Variants in CSMD3 observed in about 807,000 individuals in gnomAD.
The protein encoded by CSMD3 is CUB and Sushi multiple domains 3.
A neutral mutation model predicts 435.2 loss-of-function variants in CSMD3; 177 were observed. The ratio of observed to expected loss-of-function variants is 0.41; its 90% CI spans 0.36 to 0.46. The LOEUF (loss-of-function observed/expected upper bound fraction) is 0.46. CSMD3 is among the 20% of genes least tolerant of loss of function. CSMD3 has a pLI of 0.34. For synonymous variants in CSMD3, 1,656 were observed against 1,520.5 expected (o/e 1.09, Z -2.07); for missense variants, 4,265 against 4,504.6 (o/e 0.95, Z 1.52).
At chr8:113,003,963 C>T (rs546663283) in intron 6 of CSMD3, among the ~76,000 whole-genome samples, 1 of 151,872 alleles carries the variant, frequency 6.6e-6, no homozygotes, top group Admixed American at 6.6e-5. Flanking sequence ...AAACAATTCC[C>T]CCCAAAAAAG....
At chr8:112,957,891 G>A (rs2084086999) in intron 7 of CSMD3, among the ~76,000 whole-genome samples, 2 of 152,142 alleles carry the variant, frequency 1.3e-5, no homozygotes, top group African/African-American at 4.8e-5. Flanking sequence ...GGTTACAAGC[G>A]CGCACCACCG....
rs368706528 is a variant in CSMD3 at position 112,409,032 on chromosome 8, A to G, written c.5396T>C (p.Val1799Ala). 5.0e-6 allele frequency: 8 copies of G among 1,613,358 alleles called. No individual in the cohort carries two copies. The highest frequency in any genetic ancestry group is 2.2e-5 in the South Asian group (2 of 91,072). The change falls in exon 33 of 71, where the codon GTG (valine) becomes GCG (alanine). Residue 1799 changes from valine (V) to alanine (A), a missense_variant and splice_region_variant. By Grantham distance (64) the Val-to-Ala change is moderately conservative (BLOSUM62 0). Transcript: ENST00000297405. The part of the protein sequence containing the change: ...VYSIAVPKEF[V>A]VFGQFVFFQT... ...GAAAAATACAAACTGGCCAAACACCACTGATCAACAGGAACCCGGAGAAGC... is the reference window on the plus strand; with the variant it reads ...GAAAAATACAAACTGGCCAAACACCGCTGATCAACAGGAACCCGGAGAAGC...
At chr8:112,686,668 T>A (rs1362813183) in intron 14 of CSMD3, among the ~76,000 whole-genome samples, 3 of 151,924 alleles carry the variant, frequency 2.0e-5, no homozygotes, top group Non-Finnish European at 4.4e-5. Flanking sequence ...GTATTTTTAG[T>A]AGAGATGGGG....
chr8:112,328,372 T>G (rs1453771310), intron 45 of CSMD3, among the ~76,000 whole-genome samples: 3 of 152,198 alleles, frequency 2.0e-5, no homozygotes, highest in East Asian at 1.9e-4. Flanking sequence ...TTTTCCATTT[T>G]GCAGAAAATC....
chr8:112,999,411 C>T (rs1329061982), intron 6 of CSMD3, among the ~76,000 whole-genome samples: 1 of 151,612 alleles, frequency 6.6e-6, no homozygotes, highest in Admixed American at 6.6e-5. Context: ...TGAGGACCAG[C>T]AAGGATGCCA....
At chr8:112,947,607 A>G (rs955893082) in intron 9 of CSMD3, among the ~76,000 whole-genome samples, 183 bp downstream of exon 9, 8 of 151,944 alleles carry the variant, frequency 5.3e-5, no homozygotes, top group African/African-American at 1.9e-4. Context: ...GTGTTCTAAT[A>G]AAGTTAATGC....
intron 61 of CSMD3, 87 bp downstream of exon 61, chr8:112,263,552 G>T: frequency 2.0e-6 from 2 of 996,842 alleles, no homozygotes; most frequent in South Asian, 1.4e-5. Context: ...CCCTAATTAG[G>T]CATTGAAGGA....
chr8:112,584,784 T>C (rs77179308), intron 23 of CSMD3, among the ~76,000 whole-genome samples: 3 of 151,250 alleles, frequency 2.0e-5, no homozygotes, highest in Non-Finnish European at 4.4e-5. Context: ...CTATTTGTTT[T>C]TATTCCTTAT....
chr8:113,205,309 G>T (rs576993721), intron 3 of CSMD3, among the ~76,000 whole-genome samples: 1 of 152,160 alleles, frequency 6.6e-6, no homozygotes, highest in South Asian at 2.1e-4. Flanking sequence ...AATACCATCA[G>T]ATCTCATGAG....
intron 22 of CSMD3, among the ~76,000 whole-genome samples, chr8:112,592,791 G>A (rs1324554993): frequency 6.6e-6 from 1 of 151,936 alleles, no homozygotes; most frequent in Non-Finnish European, 1.5e-5. Context: ...AATAACTATG[G>A]ATATGCCTGA....
chr8:112,958,328 C>T (rs1339333929), intron 7 of CSMD3, among the ~76,000 whole-genome samples: 1 of 152,086 alleles, frequency 6.6e-6, no homozygotes, highest in African/African-American at 2.4e-5. Context: ...TTTTTCATTA[C>T]ATGTTCAGTT....
chr8:112,265,830 T>C (rs1816891466), intron 59 of CSMD3, among the ~76,000 whole-genome samples: 1 of 152,296 alleles, frequency 6.6e-6, no homozygotes, highest in East Asian at 1.9e-4. Flanking sequence ...CTGAAAAGGC[T>C]AGGTTAATAT....
intron 36 of CSMD3, among the ~76,000 whole-genome samples, chr8:112,389,427 C>A (rs9886643): frequency 0.4 from 61,218 of 151,878 alleles, 14,298 homozygotes; most frequent in Middle Eastern, 0.59. Flanking sequence ...AGGATTGATT[C>A]GTTATCTTCA....
chr8:112,285,365 T>C (rs1323035772), intron 58 of CSMD3, among the ~76,000 whole-genome samples: 3 of 152,120 alleles, frequency 2.0e-5, no homozygotes, highest in African/African-American at 7.2e-5. Flanking sequence ...TACTCAGCAC[T>C]ATGTTTTCCA....
chr8:112,441,129 T>C (rs2130501460), intron 32 of CSMD3, among the ~76,000 whole-genome samples: 1 of 152,258 alleles, frequency 6.6e-6, no homozygotes, highest in South Asian at 2.1e-4. Flanking sequence ...GCTTTGCAAA[T>C]TCTTCCACCA....
chr8:112,435,470 A>T (rs940849037), intron 32 of CSMD3, among the ~76,000 whole-genome samples: 11 of 152,170 alleles, frequency 7.2e-5, no homozygotes, highest in Admixed American at 6.5e-4. Flanking sequence ...TAACCATTAT[A>T]TCACACTGTA....
At chr8:112,234,559 G>C in intron 67 of CSMD3, 82 bp from the exon 68 acceptor site, 1 of 805,944 alleles carries the variant, frequency 1.2e-6, no homozygotes, top group East Asian at 2.6e-5. Context: ...TCCTTAAATA[G>C]ATTATGTAAG....
At chr8:113,205,372 C>T (rs562642384) in intron 3 of CSMD3, among the ~76,000 whole-genome samples, 1 of 152,266 alleles carries the variant, frequency 6.6e-6, no homozygotes, top group South Asian at 2.1e-4. Flanking sequence ...GATGCAGTTA[C>T]CTCCCACTGG....
chr8:112,867,853 G>A (rs1044720226), intron 10 of CSMD3, among the ~76,000 whole-genome samples: 1 of 152,010 alleles, frequency 6.6e-6, no homozygotes, highest in Admixed American at 6.6e-5. Flanking sequence ...AGACTTCATA[G>A]ATATAACTAT....
Sources: allele counts gnomAD v4.1 joint callset (sites outside exome capture counted in the v4.1 genomes callset), GRCh38; gene constraint gnomAD v4.1.1; transcripts MANE v1.5; gene names NCBI Gene and HGNC (gene_info 2026-07-23, HGNC 2026-07-21).